Variants in HECA observed in about 807,000 individuals in gnomAD.
HECA encodes HECA ribonucleoprotein granule regulator.
HECA carries 13 observed loss-of-function variants against 37.6 expected under a neutral mutation model. That is an observed-to-expected ratio of 0.35 (90% CI 0.23 to 0.55). The LOEUF is 0.55. HECA is among the 20% of genes least tolerant of loss of function. The pLI is 0.90. For missense variants in HECA, 527 were observed against 701.9 expected (o/e 0.75, Z 2.82); for synonymous variants, 307 against 291.5 (o/e 1.05, Z -0.54).
intron 1 of HECA, among the ~76,000 whole-genome samples, chr6:139,135,894 A>G (rs1235242667): frequency 6.6e-6 from 1 of 151,650 alleles, no homozygotes; most frequent in African/African-American, 2.4e-5. Context: ...CCCGCGCCCC[A>G]CACTCTGAGG....
chr6:139,162,466 T>C (rs532969262), intron 1 of HECA, among the ~76,000 whole-genome samples: 34 of 152,348 alleles, frequency 2.2e-4, no homozygotes, highest in African/African-American at 8.2e-4. Flanking sequence ...TCCAAGAGCA[T>C]GCAGCTCATA....
At position 139,171,933 on chromosome 6, in the gene HECA, C is replaced by T. The variant is rs113672329; in HGVS notation, c.1313-2452C>T. Among the ~76,000 whole-genome samples, 483 of 151,748 alleles carry T rather than the reference C, an allele frequency of 3.2e-3. 6 individuals carry two copies. Among genetic ancestry groups the T allele is most frequent in the African/African-American group, 6.1e-3 (251 of 41,362 alleles). ...TGCAGCCTTTGCTTCTGGGTTCAAG[C>T]GATTCTCCTGCCTCAGCCTCATGAG... On this transcript the variant is annotated intron_variant, in intron 2 of 3. Coordinates refer to ENST00000367658, the MANE Select transcript of HECA (RefSeq NM_016217.3).
intron 2 of HECA, among the ~76,000 whole-genome samples, chr6:139,173,061 A>G (rs1774997523): frequency 6.6e-6 from 1 of 152,218 alleles, no homozygotes; most frequent in Non-Finnish European, 1.5e-5. Flanking sequence ...CAGAGAGTGC[A>G]AATGAAATTT....
Position 139,167,146 on chromosome 6 carries a change from A to G in HECA, c.1134A>G (p.Glu378=). ...ACGATGCCCAAGTGGGCCAGGGGGA[A>G]GACTTGCGGAAGTTCATTCTGGCCG... ...MEDDAQVGQG[E]DLRKFILAAL... is the part of the protein sequence containing the mutation. The change falls in exon 2 of 4, where the codon GAA becomes GAG. Residue 378 remains glutamate, a synonymous_variant. Coordinates refer to ENST00000367658, the MANE Select transcript of HECA (RefSeq NM_016217.3). The G allele has an allele frequency of 6.2e-7, 1 of 1,614,160 alleles. No homozygotes were observed. Among genetic ancestry groups the G allele is most frequent in the East Asian group, 2.2e-5 (1 of 44,852 alleles).
intron 1 of HECA, among the ~76,000 whole-genome samples, chr6:139,152,404 T>C (rs891411495): frequency 9.0e-6 from 1 of 110,588 alleles, no homozygotes; most frequent in African/African-American, 3.4e-5. Context: ...TTGTAAACTG[T>C]ATTGAAGCAT....
intron 1 of HECA, chr6:139,159,086 T>C (rs1168372789): frequency 2.0e-5 from 3 of 152,116 alleles, no homozygotes; most frequent in Admixed American, 1.3e-4. Context: ...AAAAAAATTT[T>C]TGAAAAAAAA....
At chr6:139,163,352 CTTTTT>C (rs60943037) in intron 1 of HECA, among the ~76,000 whole-genome samples, 4 of 142,410 alleles carry the variant, frequency 2.8e-5, no homozygotes, top group African/African-American at 7.8e-5. Context: ...GTTCTCCATT[CTTTTT>C]TTTTTTTTTT....
intron 1 of HECA, among the ~76,000 whole-genome samples, chr6:139,137,668 A>G (rs1485995062): frequency 2.2e-5 from 3 of 138,122 alleles, no homozygotes; most frequent in East Asian, 4.0e-4. Flanking sequence ...GGAAGCTTCA[A>G]GTTCACAGTT....
chr6:139,166,841 T>C lies in HECA; in HGVS notation c.829T>C (p.Tyr277His). The change falls in exon 2 of 4, where the codon TAC becomes CAC. Residue 277 changes from tyrosine (Y) to histidine (H), a missense_variant. This residue lies in a region of HECA where 228 missense variants were observed against 259.8 expected (regional missense o/e 0.88). Transcript: ENST00000367658. The part of the protein sequence containing the change: ...GSPGQSPPTG[Y>H]SILSPAHFSG... ...CCCGGGCCAGTCCCCACCCACGGGC[T>C]ACTCCATCCTCTCTCCTGCCCACTT... The C allele has an allele frequency of 6.2e-7, 1 of 1,613,868 alleles. No homozygotes were observed. The highest frequency in any genetic ancestry group is 1.1e-5 in the South Asian group (1 of 91,078).
intron 1 of HECA, chr6:139,155,546 T>C (rs909389992): frequency 1.2e-4 from 19 of 152,198 alleles, no homozygotes; most frequent in African/African-American, 4.6e-4. Flanking sequence ...CAAACGTCGT[T>C]ATATAGCATA....
intron 1 of HECA, among the ~76,000 whole-genome samples, chr6:139,143,012 G>C (rs986986373): frequency 9.9e-5 from 15 of 152,212 alleles, no homozygotes; most frequent in African/African-American, 3.1e-4. Context: ...GAAGATGAAA[G>C]CATAGACCTT....
chr6:139,169,706 CTAGCTTGGACT>C (rs1484671776), intron 2 of HECA: 1 of 152,198 alleles, frequency 6.6e-6, no homozygotes, highest in East Asian at 1.9e-4. Context: ...TTCCAGTAGG[CTAGCTTGGACT>C]TTTTCACATG....
chr6:139,158,712 G>A (rs1369899817), intron 1 of HECA, among the ~76,000 whole-genome samples: 1 of 150,370 alleles, frequency 6.7e-6, no homozygotes. Flanking sequence ...TAGGTGCCAA[G>A]CACTGTTCTA....
chr6:139,135,676 G>T lies in HECA; in HGVS notation c.271+9G>T. ...GGGCGATGCCAAAAACGGTAAGACG[G>T]GGCTGGCGGGGCGAGCGCCAACTTC... On this transcript the variant is annotated intron_variant, in intron 1 of 3. Coordinates refer to ENST00000367658, the MANE Select transcript of HECA (RefSeq NM_016217.3). The T allele has an allele frequency of 1.0e-6, 1 of 980,774 alleles. No homozygotes were observed. The highest frequency in any genetic ancestry group is 4.7e-5 in the South Asian group (1 of 21,416). The allele number at this position is 980,774 out of a possible 1,614,324, so 60.8% of individuals were successfully genotyped here.
chr6:139,138,199 G>A (rs1298729942), intron 1 of HECA, among the ~76,000 whole-genome samples: 4 of 152,052 alleles, frequency 2.6e-5, no homozygotes, highest in East Asian at 1.9e-4. Context: ...TGGGAGAGGC[G>A]TTACTGGTGA....
intron 1 of HECA, among the ~76,000 whole-genome samples, chr6:139,142,803 C>T (rs1774531471): frequency 6.6e-6 from 1 of 152,158 alleles, no homozygotes; most frequent in Non-Finnish European, 1.5e-5. Flanking sequence ...CAAAAATTAG[C>T]TGGGCATGGT....
At chr6:139,142,089 G>C (rs1391842830) in intron 1 of HECA, among the ~76,000 whole-genome samples, 1 of 151,854 alleles carries the variant, frequency 6.6e-6, no homozygotes, top group African/African-American at 2.4e-5. Context: ...ACCACACCCG[G>C]CTAATTTTTT....
chr6:139,161,596 C>A (rs1414310546), intron 1 of HECA, among the ~76,000 whole-genome samples: 1 of 152,196 alleles, frequency 6.6e-6, no homozygotes, highest in Non-Finnish European at 1.5e-5. Flanking sequence ...ATATTTGCTG[C>A]TTTTTGAAAA....
chr6:139,169,454 C>A (rs954745016), intron 2 of HECA: 1 of 152,050 alleles, frequency 6.6e-6, no homozygotes, highest in Non-Finnish European at 1.5e-5. Context: ...TATGTAATTT[C>A]TTGTGCTACC....
Sources: gnomAD v4.1 joint callset for allele counts (sites outside exome capture counted in the v4.1 genomes callset) on GRCh38, gnomAD v4.1.1 for gene constraint, gnomAD v4.1.1 regional missense constraint, MANE v1.5 for transcripts, NCBI Gene and HGNC (gene_info 2026-07-23, HGNC 2026-07-21) for gene names.